The following CDH13 variants were observed in gnomAD, a reference collection of about 807,000 sequenced individuals.
The protein encoded by CDH13 is cadherin 13, also known as cadherin-13.
Under a neutral mutation model 63.8 loss-of-function variants are expected in CDH13, and 24 were observed. The ratio of observed to expected loss-of-function variants is 0.38; its 90% CI spans 0.27 to 0.53. The LOEUF is 0.53. Among genes scored for constraint, CDH13 ranks in the 20% least tolerant of loss-of-function variants. The probability of loss-of-function intolerance (pLI) is 0.85; values close to 1 mark genes in which losing one functional copy is unlikely to be tolerated. For synonymous variants in CDH13, 503 were observed against 355.3 expected (o/e 1.42, Z -4.67); for missense variants, 1,049 against 903.1 (o/e 1.16, Z -2.07).
At position 82,761,004 on chromosome 16, in the gene CDH13, CATTT is replaced by C. The variant is rs1293895098; in HGVS notation, c.46-97357_46-97354del. On this transcript the variant is annotated intron_variant, in intron 1 of 13. Coordinates refer to ENST00000567109, the MANE Select transcript of CDH13 (RefSeq NM_001257.5). Reference sequence around the variant, plus strand: ...CCTCCACCTCCAACTCTGGGGTTCACATTTCTTTCTTTCTTTTTTTTTTTTTTTT... The same window carrying C: ...CCTCCACCTCCAACTCTGGGGTTCACCTTTCTTTCTTTTTTTTTTTTTTTT... Among the ~76,000 whole-genome samples the C allele has an allele frequency of 5.3e-4, 49 of 92,836 alleles. No individual in the cohort carries two copies. In the East Asian group the frequency reaches 7.4e-3, roughly 14 times the overall value. 60.9% of individuals were successfully genotyped at this position (92,836 alleles called of 152,430 possible).
intron 4 of CDH13, among the ~76,000 whole-genome samples, chr16:83,177,343 C>A (rs112116672): frequency 6.6e-6 from 1 of 152,192 alleles, no homozygotes; most frequent in Non-Finnish European, 1.5e-5. Context: ...ACCAAATCTC[C>A]AATGATAGTC....
intron 4 of CDH13, among the ~76,000 whole-genome samples, chr16:83,171,754 GT>G (rs1353008232): frequency 6.6e-6 from 1 of 152,074 alleles, no homozygotes; most frequent in Non-Finnish European, 1.5e-5. Flanking sequence ...CAAGCTGTAT[GT>G]TTTCAGGTAG....
At chr16:83,613,120 G>C (rs543679010) in intron 8 of CDH13, among the ~76,000 whole-genome samples, 4 of 152,290 alleles carry the variant, frequency 2.6e-5, no homozygotes, top group African/African-American at 9.6e-5. Flanking sequence ...ACATTTCATT[G>C]TCTTCTGACA....
At chr16:83,223,448 A>G (rs1038033498) in intron 5 of CDH13, among the ~76,000 whole-genome samples, 20 of 152,372 alleles carry the variant, frequency 1.3e-4, no homozygotes, top group African/African-American at 4.6e-4. Context: ...TACATTGGCT[A>G]TTACATTACA....
intron 5 of CDH13, among the ~76,000 whole-genome samples, chr16:83,322,823 T>C (rs559007498): frequency 6.6e-6 from 1 of 152,184 alleles, no homozygotes; most frequent in Admixed American, 6.5e-5. Context: ...TAATTAATCA[T>C]TGGTGTTCAC....
At chr16:83,722,763 A>C (rs922350915) in intron 10 of CDH13, among the ~76,000 whole-genome samples, 9 of 152,196 alleles carry the variant, frequency 5.9e-5, no homozygotes, top group Non-Finnish European at 1.3e-4. Flanking sequence ...CTATTTGGAA[A>C]CCAGGCTGGG....
chr16:82,905,432 CGT>C (rs140795057), intron 2 of CDH13, among the ~76,000 whole-genome samples: 4,355 of 143,392 alleles, frequency 0.03, 78 homozygotes, highest in Middle Eastern at 0.059. Context: ...ATGAATCACA[CGT>C]GTGTGTGTGT....
rs559248251 is a variant in CDH13 at position 82,865,230 on chromosome 16, G to A, written c.157+6757G>A. Among the ~76,000 whole-genome samples the A allele has an allele frequency of 4.6e-5, 7 of 152,336 alleles. No individual in the cohort carries two copies. The South Asian group carries it at 8.3e-4, about 18-fold the overall frequency. The stretch of plus-strand genomic sequence containing the variant: ...CTGTCAATGGATCTACCATTCTGGG[G>A]TCTGGAGGGTGGTGGCTGTCTCTCA... On this transcript the variant is annotated intron_variant, in intron 2 of 13. Coordinates refer to ENST00000567109, the MANE Select transcript of CDH13 (RefSeq NM_001257.5).
At chr16:82,819,822 C>T (rs932959198) in intron 1 of CDH13, among the ~76,000 whole-genome samples, 7 of 152,158 alleles carry the variant, frequency 4.6e-5, no homozygotes, top group Non-Finnish European at 5.9e-5. Flanking sequence ...GTAGAACTGA[C>T]ATTCTAGCAG....
chr16:83,010,089 C>T (rs900002911), intron 2 of CDH13, among the ~76,000 whole-genome samples: 1 of 135,028 alleles, frequency 7.4e-6, no homozygotes, highest in African/African-American at 2.9e-5. Context: ...GAGCTGAGAT[C>T]ACACCATTGC....
intron 2 of CDH13, among the ~76,000 whole-genome samples, chr16:82,960,775 G>A (rs1017420413): frequency 1.3e-5 from 2 of 152,010 alleles, no homozygotes; most frequent in African/African-American, 4.8e-5. Flanking sequence ...GAGAAGGTTT[G>A]TCTTTCATTT....
At chr16:83,342,477 G>T (rs1334424891) in intron 5 of CDH13, among the ~76,000 whole-genome samples, 1 of 152,152 alleles carries the variant, frequency 6.6e-6, no homozygotes, top group African/African-American at 2.4e-5. Context: ...CCATTCCAAA[G>T]GTCTTGACTT....
chr16:82,994,178 G>A (rs1911955766), intron 2 of CDH13, among the ~76,000 whole-genome samples: 2 of 152,060 alleles, frequency 1.3e-5, no homozygotes, highest in Non-Finnish European at 2.9e-5. Context: ...GCATGAAGAC[G>A]ACAGCAGCTG....
intron 6 of CDH13, among the ~76,000 whole-genome samples, chr16:83,401,254 G>T (rs565271940): frequency 6.6e-6 from 1 of 151,586 alleles, no homozygotes; most frequent in East Asian, 1.9e-4. Context: ...CAGGAGAATC[G>T]CTTGAACCCA....
At chr16:83,530,162 G>A (rs6563924) in intron 7 of CDH13, among the ~76,000 whole-genome samples, 115,710 of 152,142 alleles carry the variant, frequency 0.76, 49,578 homozygotes, top group Non-Finnish European at 0.95. Context: ...CATTTTGGGG[G>A]TGTTCAGCTT....
chr16:83,016,569 G>C (rs1597415472), intron 2 of CDH13, among the ~76,000 whole-genome samples: 1 of 152,278 alleles, frequency 6.6e-6, no homozygotes, highest in Non-Finnish European at 1.5e-5. Context: ...GTCTGCTGCA[G>C]TTTGATTGGC....
rs138874700 is a variant in CDH13 at position 82,695,275 on chromosome 16, T to A, written c.45+68138T>A. ...TCTCAAAGTCTCCCTCTGTGTGGTG[T>A]TTGGATCTTTCTGAATCCTCAGATG... is the stretch of plus-strand genomic sequence containing the variant. On this transcript the variant is annotated intron_variant, in intron 1 of 13. Coordinates refer to ENST00000567109, the MANE Select transcript of CDH13 (RefSeq NM_001257.5). Among the ~76,000 whole-genome samples the A allele has an allele frequency of 4.6e-5, 7 of 152,264 alleles. No homozygotes were observed. In the East Asian group the frequency reaches 1.2e-3, roughly 25 times the overall value.
At chr16:82,640,206 G>T (rs1392464302) in intron 1 of CDH13, among the ~76,000 whole-genome samples, 1 of 152,180 alleles carries the variant, frequency 6.6e-6, no homozygotes, top group African/African-American at 2.4e-5. Context: ...CACCCTCTTG[G>T]GACAGAGGAT....
intron 5 of CDH13, among the ~76,000 whole-genome samples, chr16:83,341,831 C>G (rs2090729074): frequency 6.6e-6 from 1 of 152,124 alleles, no homozygotes; most frequent in Admixed American, 6.5e-5. Context: ...TCATCCTTAC[C>G]TCAGAGTCTG....
Sources: gnomAD v4.1 joint callset for allele counts (sites outside exome capture counted in the v4.1 genomes callset) on GRCh38, gnomAD v4.1.1 for gene constraint, MANE v1.5 for transcripts, NCBI Gene and HGNC (gene_info 2026-07-23, HGNC 2026-07-21) for gene names.